Variants in PCDHA1 observed in about 807,000 individuals in gnomAD.
PCDHA1 encodes the protein protocadherin alpha-1.
Under a neutral mutation model 61.3 loss-of-function variants are expected in PCDHA1, and 42 were observed. The observed-to-expected ratio is 0.69, with a 90% CI of 0.54 to 0.89. The LOEUF is 0.89. Among genes scored for constraint, PCDHA1 ranks in the 40% least tolerant of loss-of-function variants. PCDHA1 has a pLI of 0.00. For synonymous variants in PCDHA1, 610 were observed against 553.8 expected, an observed-to-expected ratio of 1.10 and a Z score of -1.43; for missense variants, 1,256 against 1,235.3, an observed-to-expected ratio of 1.02 and a Z score of -0.25.
At chr5:140,851,088 A>G in intron 1 of PCDHA1, 2 of 1,298,258 alleles carry the variant, frequency 1.5e-6, no homozygotes, top group Non-Finnish European at 2.0e-6. Flanking sequence ...TGTATATTAA[A>G]TAGATATTTT....
chr5:140,885,319 T>C (rs2060561832), intron 1 of PCDHA1, among the ~76,000 whole-genome samples: 1 of 152,216 alleles, frequency 6.6e-6, no homozygotes, highest in Admixed American at 6.5e-5. Context: ...TGTTATTATT[T>C]CTTTTCCAAA....
At chr5:140,839,172 A>T (rs1216545013) in intron 1 of PCDHA1, among the ~76,000 whole-genome samples, 5 of 150,756 alleles carry the variant, frequency 3.3e-5, no homozygotes, top group African/African-American at 7.4e-5. Context: ...AAAGATATTC[A>T]GTTTTGTGGA....
At chr5:140,965,238 A>T (rs540671197) in intron 1 of PCDHA1, among the ~76,000 whole-genome samples, 1 of 152,314 alleles carries the variant, frequency 6.6e-6, no homozygotes, top group African/African-American at 2.4e-5. Flanking sequence ...ACCTGGGAAG[A>T]GTGAATATTC....
chr5:140,885,727 A>G (rs539866953), intron 1 of PCDHA1, among the ~76,000 whole-genome samples: 1 of 152,308 alleles, frequency 6.6e-6, no homozygotes, highest in South Asian at 2.1e-4. Context: ...TCTCTGTGAA[A>G]TGATATTTCA....
At chr5:140,866,935 T>C (rs782742299) in intron 1 of PCDHA1, 3 of 152,114 alleles carry the variant, frequency 2.0e-5, no homozygotes, top group African/African-American at 4.8e-5. Context: ...GCGCATAATC[T>C]CTTCACTAGG....
At chr5:140,829,863 T>C in intron 1 of PCDHA1, 3 of 1,613,908 alleles carry the variant, frequency 1.9e-6, no homozygotes, top group Non-Finnish European at 2.5e-6. Flanking sequence ...GGCCAAGTGG[T>C]GGCGAAGGTG....
At chr5:140,812,965 A>G (rs2126642946) in intron 1 of PCDHA1, 15 of 152,128 alleles carry the variant, frequency 9.9e-5, no homozygotes, top group Non-Finnish European at 2.2e-4. Context: ...TAATTCCAGT[A>G]TTGATTTCTA....
At chr5:140,808,064 T>G (rs1554124407) in intron 1 of PCDHA1, 1 of 1,614,056 alleles carries the variant, frequency 6.2e-7, no homozygotes, top group Non-Finnish European at 8.5e-7. Context: ...GAAATCCAAG[T>G]TTCACATAGA....
chr5:140,858,118 C>T (rs267600398), intron 1 of PCDHA1: 1 of 1,597,724 alleles, frequency 6.3e-7, no homozygotes, highest in East Asian at 2.2e-5. Flanking sequence ...CCGAGGTGGC[C>T]CTGGTGGATG....
intron 1 of PCDHA1, chr5:140,859,600 C>T (rs1562546033): frequency 6.1e-6 from 1 of 162,864 alleles, no homozygotes; most frequent in African/African-American, 2.4e-5. Context: ...TTAGCAATTA[C>T]TTTTTTCTTT....
At chr5:141,005,529 C>A (rs1387576846) in intron 3 of PCDHA1, among the ~76,000 whole-genome samples, 2 of 151,154 alleles carry the variant, frequency 1.3e-5, no homozygotes, top group Non-Finnish European at 2.9e-5. Context: ...CGGTGAAACC[C>A]CGTCTCTACT....
chr5:140,841,813 T>C (rs2150323306), intron 1 of PCDHA1: 1 of 1,613,920 alleles, frequency 6.2e-7, no homozygotes, highest in Non-Finnish European at 8.5e-7. Context: ...ATGTTGGAGC[T>C]AACTCCGTGT....
intron 1 of PCDHA1, chr5:140,884,245 G>A: frequency 6.2e-7 from 1 of 1,613,462 alleles, no homozygotes; most frequent in Non-Finnish European, 8.5e-7. Context: ...AGCCCGCGCT[G>A]ACGGCCACGG....
In PCDHA1 at chr5:140,857,453, C is replaced by T. The variant is rs545328956; in HGVS notation, c.2394+68769C>T. 59 of 1,598,490 alleles carry T rather than the reference C, an allele frequency of 3.7e-5. 5 individuals carry two copies. The highest frequency in any genetic ancestry group is 5.1e-5 in the Non-Finnish European group (59 of 1,167,918). On this transcript the variant is annotated intron_variant, in intron 1 of 3. Coordinates refer to ENST00000504120, the MANE Select transcript of PCDHA1 (RefSeq NM_018900.4). ...GGTGTTCGTGAAGGAGAACAACCCG[C>T]CAGGCTGCCACATCTTCACGGTGTC...
intron 1 of PCDHA1, among the ~76,000 whole-genome samples, chr5:140,873,769 T>G (rs1554166882): frequency 6.6e-6 from 1 of 151,412 alleles, no homozygotes; most frequent in Non-Finnish European, 1.5e-5. Flanking sequence ...CAAGCAATTC[T>G]CCTGCCTCAG....
At position 140,788,542 on chromosome 5, in the gene PCDHA1, C is replaced by T; in HGVS notation, c.2252C>T (p.Ser751Leu). The T allele has an allele frequency of 6.2e-7, 1 of 1,614,116 alleles. No homozygotes were observed. The highest frequency in any genetic ancestry group is 8.5e-7 in the Non-Finnish European group (1 of 1,179,966). ...AGCGCGTTGGGGAGCTGGTCGAACT[C>T]ACAGCAGAGGCGGCAGAGGGTGTGC... The part of the protein sequence containing the change: ...CSSALGSWSN[S>L]QQRRQRVCSS... Residue 751 changes from serine to leucine, a missense_variant, in exon 1 of 4, where the codon TCA becomes TTA. Coordinates refer to ENST00000504120, the MANE Select transcript of PCDHA1 (RefSeq NM_018900.4).
At chr5:141,004,080 A>G (rs1554259443) in intron 3 of PCDHA1, among the ~76,000 whole-genome samples, 1 of 152,198 alleles carries the variant, frequency 6.6e-6, no homozygotes, top group Non-Finnish European at 1.5e-5. Context: ...TAGGGGTAGA[A>G]ATGTGCTTCT....
chr5:140,871,582 GT>G, intron 1 of PCDHA1: 2 of 1,468,826 alleles, frequency 1.4e-6, no homozygotes, highest in Non-Finnish European at 1.8e-6. Flanking sequence ...TTAAGGGAAA[GT>G]TTTATGAATA....
intron 1 of PCDHA1, among the ~76,000 whole-genome samples, chr5:140,845,892 T>C (rs1282025011): frequency 4.0e-5 from 6 of 149,784 alleles, no homozygotes; most frequent in African/African-American, 1.5e-4. Context: ...CAGAAAGTCG[T>C]TATGGCCTTC....
Sources: gnomAD v4.1 joint callset for allele counts (sites outside exome capture counted in the v4.1 genomes callset) on GRCh38, gnomAD v4.1.1 for gene constraint, MANE v1.5 for transcripts, NCBI Gene and HGNC (gene_info 2026-07-23, HGNC 2026-07-21) for gene names.